The following GNAS variants were observed in gnomAD, a reference collection of about 807,000 sequenced individuals.
The protein encoded by GNAS is protein ALEX.
A neutral mutation model predicts 54.5 loss-of-function variants in GNAS; 8 were observed. The observed-to-expected ratio is 0.15, with a 90% confidence interval of 0.09 to 0.26. GNAS has a LOEUF of 0.26. Ranked by LOEUF, GNAS falls within the 10% of genes least tolerant of loss-of-function variation. GNAS has a pLI of 1.00. For missense variants in GNAS, 170 were observed against 529.8 expected (o/e 0.32, Z 6.67); for synonymous variants, 204 against 191.4 (o/e 1.07, Z -0.54).
chr20:58,901,828 A>G (rs2090629723), intron 3 of GNAS, among the ~76,000 whole-genome samples: 1 of 135,610 alleles, frequency 7.4e-6, no homozygotes, highest in South Asian at 3.0e-4. Context: ...ACTTGACCCC[A>G]CCGTCCGTCC....
Position 58,909,275 on chromosome 20 carries a change from C to A in GNAS, c.585+59C>A. ...AGCCCTCTTTCCAAACTACTCCAGA[C>A]CTTTGCTTTAGATTGGCAATTATTA... On this transcript the variant is annotated intron_variant, in intron 7 of 12. Coordinates refer to ENST00000371085, the MANE Select transcript of GNAS (RefSeq NM_000516.7). This position sits in a 1 kb window ranked among gnomAD's most constrained non-coding sequence, Gnocchi z 7.3. The A allele has an allele frequency of 1.3e-6, 2 of 1,585,460 alleles. No individual in the cohort carries two copies. Among genetic ancestry groups the A allele is most frequent in the Non-Finnish European group, 1.7e-6 (2 of 1,153,918 alleles).
chr20:58,840,258 G>A (rs764371346), upstream of GNAS: 3 of 1,611,518 alleles, frequency 1.9e-6, no homozygotes, highest in Non-Finnish European at 2.5e-6. The surrounding 1 kb of genome is among the most constrained non-coding windows in gnomAD (Gnocchi z 6.0). Context: ...TCCAACGCCC[G>A]TGCCCAGCAG....
chr20:58,867,649 A>T (rs758501414), intron 1 of GNAS: 4 of 152,210 alleles, frequency 2.6e-5, no homozygotes, highest in Non-Finnish European at 5.9e-5. Context: ...ATAGAACTTT[A>T]TTCTAGGATT....
chr20:58,855,319 G>A lies in GNAS; in HGVS notation c.43+14433G>A. The A allele has an allele frequency of 6.4e-7, 1 of 1,572,482 alleles. No homozygotes were observed. Among genetic ancestry groups the A allele is most frequent in the South Asian group, 1.2e-5 (1 of 85,804 alleles). On this transcript the variant is annotated intron_variant, in intron 1 of 12. Coordinates refer to the GNAS transcript ENST00000306090. ...AAGATGGGCTACATGTGTACGCACC[G>A]CCTGCTGCTTCTAGGTAATGCGGCG...
intron 1 of GNAS, among the ~76,000 whole-genome samples, chr20:58,869,101 G>A (rs1028765169): frequency 3.9e-5 from 6 of 152,194 alleles, no homozygotes; most frequent in African/African-American, 1.4e-4. Context: ...GAGTGGATCT[G>A]AAGATCTTAG....
intron 3 of GNAS, 192 bp from the exon 4 acceptor site, chr20:58,903,339 T>C: frequency 5.9e-6 from 4 of 683,126 alleles, no homozygotes; most frequent in East Asian, 2.7e-5. Context: ...GGGCGTGTCC[T>C]CAGGGCACAT....
At chr20:58,850,484 C>T (rs1055065526) in intron 1 of GNAS, 3 of 398,116 alleles carry the variant, frequency 7.5e-6, no homozygotes, top group Non-Finnish European at 1.3e-5. Flanking sequence ...CCCTTTGGAG[C>T]ACCCATGGCA....
chr20:58,896,904 A>G (rs1423709858), intron 2 of GNAS, among the ~76,000 whole-genome samples: 1 of 152,150 alleles, frequency 6.6e-6, no homozygotes, highest in Non-Finnish European at 1.5e-5. Flanking sequence ...CAAAACAAAC[A>G]AAAAAACCTT....
Position 58,865,425 on chromosome 20 carries a change from T to A in GNAS, c.43+24539T>A, listed in dbSNP as rs181372662. ...AAGAGCAAAACTCCATCTCAAAAAA[T>A]ATATATATACACATATATTTTATAT... On this transcript the variant is annotated intron_variant, in intron 1 of 12. Transcript: ENST00000306090. Among the ~76,000 whole-genome samples, 575 of 147,264 alleles carry A rather than the reference T, an allele frequency of 3.9e-3. 1 individual carries two copies. Among genetic ancestry groups the A allele is most frequent in the African/African-American group, 0.013 (530 of 40,232 alleles).
rs577866200 is a variant in GNAS at position 58,868,535 on chromosome 20, G to A, written c.44-27077G>A. Among the ~76,000 whole-genome samples the A allele has an allele frequency of 2.9e-4, 42 of 144,644 alleles. 1 individual carries two copies. The highest frequency in any genetic ancestry group is 1.1e-3 in the African/African-American group (40 of 37,020). The allele number at this position is 144,644 out of a possible 152,430, so 94.9% of individuals were successfully genotyped here. On this transcript the variant is annotated intron_variant, in intron 1 of 12. Transcript: ENST00000306090. ...GATGTTAAGGCAGGCTCAAAGTGGG[G>A]CATCTGCTCGCCACAAGAAGGTGAG...
intron 1 of GNAS, among the ~76,000 whole-genome samples, chr20:58,858,073 C>T (rs76474327): frequency 0.017 from 2,541 of 152,254 alleles, 48 homozygotes; most frequent in Middle Eastern, 0.068. Flanking sequence ...GCAGAGGTGA[C>T]GTACCTCTTC....
chr20:58,892,674 A>AGGCCG (rs1420834188), intron 1 of GNAS, among the ~76,000 whole-genome samples: 1 of 152,066 alleles, frequency 6.6e-6, no homozygotes, highest in East Asian at 1.9e-4. Context: ...GTCCCGGGCC[A>AGGCCG]GGCCGGGCCG....
intron 1 of GNAS, among the ~76,000 whole-genome samples, chr20:58,894,739 G>C (rs1459198556): frequency 6.6e-6 from 1 of 152,180 alleles, no homozygotes; most frequent in Non-Finnish European, 1.5e-5. Context: ...GAAGGGCTTG[G>C]AATCTTTCAA....
At chr20:58,905,328 T>C (rs2090967699) in intron 5 of GNAS, 55 bp from the exon 6 acceptor site, 2 of 970,198 alleles carry the variant, frequency 2.1e-6, no homozygotes, top group Non-Finnish European at 3.4e-6. Flanking sequence ...ATGACAGTGT[T>C]GTTGATTAGT....
At chr20:58,898,457 A>G (rs1461455563) in intron 2 of GNAS, 1 of 163,786 alleles carries the variant, frequency 6.1e-6, no homozygotes, top group Non-Finnish European at 1.3e-5. Context: ...TTCCACTGCA[A>G]GAAGTGAGGT....
chr20:58,853,917 C>T lies in GNAS; in HGVS notation c.43+13031C>T, dbSNP rs1171664026. ...GGCTGGCTCCAGAGGAGGCTACAGC[C>T]CTCCCCCTGAGGAGACTATGCCATT... is the stretch of plus-strand genomic sequence containing the variant. On this transcript the variant is annotated intron_variant, in intron 1 of 12. Transcript: ENST00000306090. The surrounding 1 kb of genome is among the most constrained non-coding windows in gnomAD (Gnocchi z 4.4). The T allele has an allele frequency of 6.2e-7, 1 of 1,609,456 alleles. No individual in the cohort carries two copies.
chr20:58,903,595 G>A lies in GNAS; in HGVS notation c.312+10G>A. The stretch of plus-strand genomic sequence containing the variant: ...GAAAGAGGCGATTGAAGTACGTGCT[G>A]GCTCCTTGTGCTGTCTGTCTTGTAG... On this transcript the variant is annotated intron_variant, in intron 4 of 12. Transcript: ENST00000371085. 1 of 1,614,028 alleles carries A rather than the reference G, an allele frequency of 6.2e-7. No homozygotes were observed. The highest frequency in any genetic ancestry group is 1.1e-5 in the South Asian group (1 of 91,068).
intron 1 of GNAS, chr20:58,852,985 T>C (rs1350639092): frequency 9.8e-6 from 12 of 1,222,138 alleles, no homozygotes; most frequent in East Asian, 3.6e-5. Flanking sequence ...GGCGTAAGGA[T>C]AGACCAAGGA....
intron 3 of GNAS, 87 bp from the exon 4 acceptor site, chr20:58,903,444 C>T: frequency 9.1e-7 from 1 of 1,096,902 alleles, no homozygotes; most frequent in Non-Finnish European, 1.4e-6. Context: ...GAATACTATG[C>T]TTTTTAGTCG....
Sources: allele counts gnomAD v4.1 joint callset (sites outside exome capture counted in the v4.1 genomes callset), GRCh38; gene constraint gnomAD v4.1.1; non-coding constraint Gnocchi (gnomAD v3.1); transcripts MANE v1.5; gene names NCBI Gene and HGNC (gene_info 2026-07-23, HGNC 2026-07-21).